The following POLR3B variants were observed in gnomAD, a reference collection of about 807,000 sequenced individuals.
POLR3B encodes RNA polymerase III subunit B.
Under a neutral mutation model 147.4 loss-of-function variants are expected in POLR3B, and 96 were observed. The ratio of observed to expected loss-of-function variants is 0.65; its 90% CI spans 0.55 to 0.77. The LOEUF is 0.77. POLR3B is among the 30% of genes least tolerant of loss of function. POLR3B has a pLI of 0.00. For synonymous variants in POLR3B, 461 were observed against 485.9 expected, an observed-to-expected ratio of 0.95 and a Z score of 0.67; for missense variants, 1,036 against 1,413.5, an observed-to-expected ratio of 0.73 and a Z score of 4.28.
At chr12:106,392,442 T>G (rs912932569) in intron 9 of POLR3B, among the ~76,000 whole-genome samples, 6 of 152,172 alleles carry the variant, frequency 3.9e-5, no homozygotes, top group Non-Finnish European at 8.8e-5. Context: ...GGATTACAGG[T>G]GTGAACCACC....
At chr12:106,371,011 A>G (rs1242327002) in intron 6 of POLR3B, among the ~76,000 whole-genome samples, 1 of 152,170 alleles carries the variant, frequency 6.6e-6, no homozygotes, top group Non-Finnish European at 1.5e-5. Flanking sequence ...GACCATAGCT[A>G]AATTATGAAC....
intron 23 of POLR3B, among the ~76,000 whole-genome samples, chr12:106,490,060 G>T (rs1444932252): frequency 6.6e-6 from 1 of 152,190 alleles, no homozygotes; most frequent in Non-Finnish European, 1.5e-5. Flanking sequence ...ATTGGAAGAA[G>T]ATTTTATGGA....
chr12:106,451,632 GC>G (rs58136863), intron 19 of POLR3B, among the ~76,000 whole-genome samples: 35,695 of 119,504 alleles, frequency 0.3, 6,529 homozygotes, highest in African/African-American at 0.42. Context: ...TTAAAAAAAG[GC>G]GGGGGGGGAG....
chr12:106,392,943 AC>A, intron 9 of POLR3B, 87 bp from the exon 10 acceptor site: 1 of 1,542,324 alleles, frequency 6.5e-7, no homozygotes, highest in Admixed American at 1.7e-5. Flanking sequence ...TAGAAGTAAT[AC>A]CCACAAACAA....
chr12:106,509,500 A>AT lies in POLR3B; in HGVS notation c.3353_3354insT (p.Gln1118HisfsTer16). The AT allele has an allele frequency of 6.2e-7, 1 of 1,613,292 alleles. No homozygotes were observed. Among genetic ancestry groups the AT allele is most frequent in the Non-Finnish European group, 8.5e-7 (1 of 1,179,250 alleles). On this transcript the variant is annotated frameshift_variant, in exon 28 of 28. Coordinates refer to ENST00000228347, the MANE Select transcript of POLR3B (RefSeq NM_018082.6). LOFTEE classifies it high-confidence loss of function. ...TGCAAGCTGCTCTTCCAGGAACTACAGTCTATGAACATCATCCCCAGGTTA... is the reference window on the plus strand; with the variant it reads ...TGCAAGCTGCTCTTCCAGGAACTACATGTCTATGAACATCATCCCCAGGTTA...
intron 1 of POLR3B, among the ~76,000 whole-genome samples, chr12:106,361,860 A>G (rs1440628811): frequency 1.3e-5 from 2 of 152,214 alleles, no homozygotes; most frequent in Non-Finnish European, 2.9e-5. Flanking sequence ...GTGTTATAAG[A>G]CAGTGATCGG....
chr12:106,498,582 G>GTTTTTTT (rs564316643), intron 25 of POLR3B, among the ~76,000 whole-genome samples: 4 of 147,716 alleles, frequency 2.7e-5, no homozygotes, highest in Non-Finnish European at 3.0e-5. Context: ...TTTGGGGTTT[G>GTTTTTTT]TTTTTTTTGT....
chr12:106,394,169 T>C (rs1178644132), intron 10 of POLR3B, among the ~76,000 whole-genome samples: 1 of 152,172 alleles, frequency 6.6e-6, no homozygotes, highest in Non-Finnish European at 1.5e-5. Flanking sequence ...TTTAGGAAGA[T>C]CGAAATAGGT....
chr12:106,414,610 T>G (rs1394215314), intron 12 of POLR3B, among the ~76,000 whole-genome samples: 3 of 152,142 alleles, frequency 2.0e-5, no homozygotes, highest in African/African-American at 7.2e-5. Flanking sequence ...TGGGTTTGCT[T>G]ATTGCTCCCT....
intron 19 of POLR3B, among the ~76,000 whole-genome samples, chr12:106,450,804 A>G (rs1032138328): frequency 3.5e-4 from 54 of 152,194 alleles, no homozygotes; most frequent in Middle Eastern, 3.2e-3. Context: ...AAAGTTAACT[A>G]TACCCTTGCC....
intron 1 of POLR3B, among the ~76,000 whole-genome samples, chr12:106,358,963 A>C (rs745469869): frequency 1.3e-5 from 2 of 152,192 alleles, no homozygotes; most frequent in African/African-American, 2.4e-5. Flanking sequence ...GTGGCCTGTA[A>C]TACCAGTAGT....
intron 13 of POLR3B, among the ~76,000 whole-genome samples, chr12:106,428,997 A>G (rs1349670778): frequency 6.6e-6 from 1 of 152,166 alleles, no homozygotes; most frequent in East Asian, 1.9e-4. Flanking sequence ...TGGGATCCAC[A>G]AGAGTCCAAA....
intron 16 of POLR3B, among the ~76,000 whole-genome samples, chr12:106,434,962 A>T (rs2037558385): frequency 6.6e-6 from 1 of 152,094 alleles, no homozygotes; most frequent in Non-Finnish European, 1.5e-5. Context: ...TCCCAGGTAA[A>T]ATAAATCAAG....
intron 10 of POLR3B, among the ~76,000 whole-genome samples, chr12:106,399,819 T>TGAAGGAAGCACTAAACTTGG (rs1287512935): frequency 1.6e-4 from 25 of 152,086 alleles, no homozygotes; most frequent in Admixed American, 5.9e-4. Flanking sequence ...AAAGAGCTCC[T>TGAAGGAAGCACTAAACTTGG]GAAGGAAGCA....
At chr12:106,421,980 A>G (rs1326921677) in intron 12 of POLR3B, among the ~76,000 whole-genome samples, 2 of 152,212 alleles carry the variant, frequency 1.3e-5, no homozygotes, top group Non-Finnish European at 2.9e-5. Flanking sequence ...GATTACAGGC[A>G]TGAGCCACGG....
intron 9 of POLR3B, among the ~76,000 whole-genome samples, chr12:106,386,564 T>G (rs2036841426): frequency 6.6e-6 from 1 of 152,096 alleles, no homozygotes; most frequent in African/African-American, 2.4e-5. Context: ...CATGCATACA[T>G]TAAAATCAGA....
At chr12:106,371,553 T>C (rs1216049634) in intron 6 of POLR3B, among the ~76,000 whole-genome samples, 3 of 151,240 alleles carry the variant, frequency 2.0e-5, no homozygotes, top group African/African-American at 4.8e-5. Flanking sequence ...TGTCCAACAA[T>C]GATAGACTGG....
At chr12:106,434,520 T>A (rs2037551260) in intron 16 of POLR3B, among the ~76,000 whole-genome samples, 1 of 151,076 alleles carries the variant, frequency 6.6e-6, no homozygotes, top group Non-Finnish European at 1.5e-5. Flanking sequence ...TTTTATTCAT[T>A]CAGTAAGTAT....
At chr12:106,496,710 T>C (rs1450476781) in intron 24 of POLR3B, 42 bp from the exon 25 acceptor site, 3 of 1,581,736 alleles carry the variant, frequency 1.9e-6, no homozygotes, top group Non-Finnish European at 2.6e-6. Flanking sequence ...AGAGTGCTTG[T>C]GCCACAGGGA....
Sources: gnomAD v4.1 joint callset for allele counts (sites outside exome capture counted in the v4.1 genomes callset) on GRCh38, gnomAD v4.1.1 for gene constraint, MANE v1.5 for transcripts, NCBI Gene and HGNC (gene_info 2026-07-23, HGNC 2026-07-21) for gene names.